L1CAM: variants seen among roughly 807,000 people sequenced by gnomAD.
L1CAM encodes the protein L1 cell adhesion molecule, also known as neural cell adhesion molecule L1.
Under a neutral mutation model 93.0 loss-of-function variants are expected in L1CAM, and 8 were observed. That is an observed-to-expected ratio of 0.09 (90% CI 0.05 to 0.16). The LOEUF is 0.16. L1CAM is among the 10% of genes least tolerant of loss of function. The pLI is 1.00. For missense variants in L1CAM, 777 were observed against 1,073.4 expected, an observed-to-expected ratio of 0.72 and a Z score of 3.86; for synonymous variants, 453 against 453.0, an observed-to-expected ratio of 1.00 and a Z score of 0.00.
chrX:153,865,324 C>G lies in L1CAM; in HGVS notation c.2724G>C (p.Glu908Asp). ...CTCCCTCTGGGGTGCTGAAGGTGAA[C>G]TCGCTGGCGGGCCCCGATCCTCGCC... ...FNGRGSGPASEFTFSTPEGVP... is the reference protein window; with the variant it reads ...FNGRGSGPASDFTFSTPEGVP... Residue 908 changes from glutamate to aspartate, a missense_variant, in exon 21 of 29, where the codon GAG becomes GAC. Around this residue, in one of 5 missense-constraint regions of L1CAM, gnomAD observed 574 missense variants for 781.0 expected, o/e 0.73. Transcript: ENST00000370060. 3 of 1,210,968 alleles carry G rather than the reference C, an allele frequency of 2.5e-6. No homozygotes were observed. Among genetic ancestry groups the G allele is most frequent in the Non-Finnish European group, 3.4e-6 (3 of 895,232 alleles).
At position 153,870,138 on chromosome X, in the gene L1CAM, G is replaced by T. The variant is rs2064754531; in HGVS notation, c.909C>A (p.Gly303=). 3.3e-6 allele frequency: 4 copies of T among 1,211,753 alleles called. No individual in the cohort carries two copies. Among genetic ancestry groups the T allele is most frequent in the South Asian group, 3.5e-5 (2 of 57,008 alleles). ...HNKTLQLLKV[G]EEDDGEYRCL... The stretch of plus-strand genomic sequence containing the variant: ...AGCGGTACTCGCCATCATCCTCCTC[G>T]CCCACTTTCAGCAGCTGCAGGGTCT... The change falls in exon 9 of 29, where the codon GGC becomes GGA. Residue 303 remains glycine (G), a synonymous_variant. Coordinates refer to ENST00000370060, the MANE Select transcript of L1CAM (RefSeq NM_001278116.2).
At chrX:153,873,373 G>A in intron 2 of L1CAM, 131 bp from the exon 3 acceptor site, 1 of 693,654 alleles carries the variant, frequency 1.4e-6, no homozygotes. Flanking sequence ...TGGCAGGAGA[G>A]GAGGCCCTGG....
intron 19 of L1CAM, among the ~76,000 whole-genome samples, chrX:153,866,217 G>A (rs1447347289): frequency 9.2e-6 from 1 of 108,136 alleles, no homozygotes; most frequent in Non-Finnish European, 1.9e-5. Flanking sequence ...GGAGGCTGAG[G>A]CAGGAGAATC....
rs184593210 is a variant in L1CAM at position 153,871,867 on chromosome X, C to T, written c.400+285G>A. 0.016 allele frequency among the ~76,000 whole-genome samples: 1,696 copies of T among 103,247 alleles called. 45 individuals carry two copies. Among genetic ancestry groups the T allele is most frequent in the African/African-American group, 0.059 (1,631 of 27,826 alleles). 89.7% of individuals were successfully genotyped at this position (103,247 alleles called of 115,157 possible). ...TCACTCCCCCCACCAGCCCGCCCCC[C>T]CCTCCCCCCGCCACCTTCCTGCTCA... On this transcript the variant is annotated intron_variant, in intron 5 of 28. Coordinates refer to ENST00000370060, the MANE Select transcript of L1CAM (RefSeq NM_001278116.2).
chrX:153,876,619 A>AT (rs782121164), intron 1 of L1CAM, among the ~76,000 whole-genome samples: 2 of 111,916 alleles, frequency 1.8e-5, no homozygotes, highest in African/African-American at 3.2e-5. Context: ...TAATGGGGGG[A>AT]TTGGGAAGTG....
chrX:153,868,197 C>T (rs1212597939), intron 14 of L1CAM, 75 bp from the exon 15 acceptor site: 30 of 1,144,853 alleles, frequency 2.6e-5, no homozygotes, highest in Non-Finnish European at 3.2e-5. Context: ...CTGTCTCCTT[C>T]CCCCGCTCCT....
chrX:153,876,217 C>T (rs2064813201), intron 1 of L1CAM: 9 of 406,180 alleles, frequency 2.2e-5, no homozygotes, highest in Non-Finnish European at 3.9e-5. Flanking sequence ...GCTGCCTTCC[C>T]AGCACCAACT....
At chrX:153,884,811 C>A (rs1447426243) in intron 1 of L1CAM, among the ~76,000 whole-genome samples, 3 of 112,946 alleles carry the variant, frequency 2.7e-5, no homozygotes, top group Non-Finnish European at 5.6e-5. Flanking sequence ...GAGGCCCCCG[C>A]CCCAGAAAGA....
At chrX:153,866,012 C>A in intron 19 of L1CAM, 193 bp from the exon 20 acceptor site, 1 of 432,804 alleles carries the variant, frequency 2.3e-6, no homozygotes, top group Non-Finnish European at 4.1e-6. Flanking sequence ...AAAATAGTAG[C>A]TTATACAAAG....
intron 5 of L1CAM, among the ~76,000 whole-genome samples, chrX:153,871,866 C>T (rs2064773106): frequency 1.9e-5 from 2 of 103,393 alleles, no homozygotes; most frequent in African/African-American, 3.6e-5. Flanking sequence ...AGCCCGCCCC[C>T]CCCTCCCCCC....
chrX:153,869,040 G>T, intron 11 of L1CAM, 88 bp from the exon 12 acceptor site: 1 of 758,299 alleles, frequency 1.3e-6, no homozygotes, highest in East Asian at 3.3e-5. Flanking sequence ...GGCTTCCTCG[G>T]GCCCCCAAGA....
At chrX:153,873,204 C>T in intron 3 of L1CAM, 24 bp downstream of exon 3, 1 of 1,206,470 alleles carries the variant, frequency 8.3e-7, no homozygotes, top group Non-Finnish European at 1.1e-6. Context: ...TTCTGGGAAA[C>T]ACTCTCACCC....
rs782047499 is a variant in L1CAM, at chrX:153,865,336, C to A, written c.2712G>T (p.Gly904=). The A allele has an allele frequency of 1.1e-5, 13 of 1,210,763 alleles. No homozygotes were observed. The highest frequency in any genetic ancestry group is 1.5e-5 in the Non-Finnish European group (13 of 895,250). ...EVQAFNGRGS[G]PASEFTFSTP... The stretch of plus-strand genomic sequence containing the variant: ...TGCTGAAGGTGAACTCGCTGGCGGG[C>A]CCCGATCCTCGCCCGTTAAAGGCCT... The change falls in exon 21 of 29, where the codon GGG becomes GGT. Residue 904 remains glycine (G), a synonymous_variant. Coordinates refer to ENST00000370060, the MANE Select transcript of L1CAM (RefSeq NM_001278116.2).
intron 26 of L1CAM, 65 bp from the exon 27 acceptor site, chrX:153,863,614 C>G (rs1231131346): frequency 1.0e-6 from 1 of 1,000,259 alleles, no homozygotes; most frequent in Non-Finnish European, 1.4e-6. Flanking sequence ...CCAGGCCCCT[C>G]TACGCCCCGC....
intron 1 of L1CAM, 110 bp downstream of exon 1, chrX:153,885,955 C>A: frequency 1.5e-6 from 1 of 677,643 alleles, no homozygotes; most frequent in Non-Finnish European, 1.6e-6. Flanking sequence ...TTACCGCGGG[C>A]CGGACCGGGC....
At chrX:153,873,134 G>A (rs1416563285) in intron 3 of L1CAM, 94 bp downstream of exon 3, 1 of 872,026 alleles carries the variant, frequency 1.1e-6, no homozygotes, top group South Asian at 2.0e-5. Flanking sequence ...CAGGGCCCCG[G>A]CACTCAGGAG....
Position 153,863,382 on chromosome X carries a change from G to T in L1CAM, c.3531-3C>A, listed in dbSNP as rs1484624945. On this transcript the variant is annotated splice_polypyrimidine_tract_variant and splice_region_variant and intron_variant, in intron 27 of 28. Transcript: ENST00000370060. ...CCCTGCCTTACCTCTCCAGGGACCT[G>T]AAGTCACCCGGCAGCACAGAGAAGA... 1 of 1,209,200 alleles carries T rather than the reference G, an allele frequency of 8.3e-7. No homozygotes were observed. Among genetic ancestry groups the T allele is most frequent in the Non-Finnish European group, 1.1e-6 (1 of 894,706 alleles).
At position 153,870,926 on chromosome X, in the gene L1CAM, C is replaced by G. The variant is rs782773215; in HGVS notation, c.558G>C (p.Thr186=). The change falls in exon 7 of 29, where the codon ACG becomes ACC. Residue 186 remains threonine, a synonymous_variant. Coordinates refer to ENST00000370060, the MANE Select transcript of L1CAM (RefSeq NM_001278116.2). ...ILHIKQDERV[T]MGQNGNLYFA... ...AGTAGAGGTTGCCGTTCTGGCCCAT[C>G]GTCACCCGCTCGTCCTGCTTGATGT... 3.3e-6 allele frequency: 4 copies of G among 1,211,068 alleles called. No individual in the cohort carries two copies. In the African/African-American group the frequency reaches 5.2e-5, roughly 16 times the overall value.
In L1CAM at chrX:153,861,621, A is replaced by G. The variant is rs1287251975; in HGVS notation, c.*1042T>C. On this transcript the variant is annotated 3_prime_UTR_variant, in exon 29 of 29. Coordinates refer to ENST00000370060, the MANE Select transcript of L1CAM (RefSeq NM_001278116.2). ...GCTTATCAGTAGACCAAGCACAGGC[A>G]TACAGGGAGGCTGTGGCTGCTGAGC... 6 of 111,811 alleles carry G rather than the reference A, an allele frequency of 5.4e-5. No individual in the cohort carries two copies. The highest frequency in any genetic ancestry group is 2.0e-4 in the African/African-American group (6 of 30,765). 9.2% of individuals were successfully genotyped at this position (111,811 alleles called of 1,213,427 possible).
Sources: allele counts gnomAD v4.1 joint callset (sites outside exome capture counted in the v4.1 genomes callset), GRCh38; gene constraint gnomAD v4.1.1; regional missense constraint gnomAD v4.1.1; transcripts MANE v1.5; gene names NCBI Gene and HGNC (gene_info 2026-07-23, HGNC 2026-07-21).